Variants in FILIP1 observed in about 807,000 individuals in gnomAD.
FILIP1 encodes the protein filamin-A-interacting protein 1.
In FILIP1, 61 loss-of-function variants were observed where a neutral mutation model predicts 102.1. The ratio of observed to expected loss-of-function variants is 0.60; its 90% CI spans 0.49 to 0.74. The LOEUF (loss-of-function observed/expected upper bound fraction) is 0.74, where lower values mean the gene tolerates loss of function less well. Among genes scored for constraint, FILIP1 ranks in the 30% least tolerant of loss-of-function variants. The probability of loss-of-function intolerance (pLI) is 0.00; values close to 1 mark genes in which losing one functional copy is unlikely to be tolerated. For synonymous variants in FILIP1, 491 were observed against 526.9 expected (o/e 0.93, Z 0.93); for missense variants, 1,314 against 1,441.2 (o/e 0.91, Z 1.43).
At chr6:75,399,175 C>T (rs1032369894) in intron 2 of FILIP1, 2 of 152,126 alleles carry the variant, frequency 1.3e-5, no homozygotes, top group African/African-American at 4.8e-5. Flanking sequence ...TGTTAAACTC[C>T]CACTAAGAAG....
At chr6:75,449,554 G>A (rs1162885544) in intron 1 of FILIP1, among the ~76,000 whole-genome samples, 1 of 152,132 alleles carries the variant, frequency 6.6e-6, no homozygotes, top group African/African-American at 2.4e-5. Context: ...GTTGAGGCAG[G>A]AGGATCCCTT....
At chr6:75,374,837 A>G (rs943450368) in intron 2 of FILIP1, among the ~76,000 whole-genome samples, 3 of 152,274 alleles carry the variant, frequency 2.0e-5, no homozygotes, top group African/African-American at 4.8e-5. Context: ...CATCTCTGGT[A>G]CAACTCTGTT....
At chr6:75,437,513 CTG>C (rs1487087150) in intron 1 of FILIP1, among the ~76,000 whole-genome samples, 1 of 152,198 alleles carries the variant, frequency 6.6e-6, no homozygotes, top group African/African-American at 2.4e-5. Context: ...GAGCCTGAGT[CTG>C]TGATATTTCG....
intron 1 of FILIP1, among the ~76,000 whole-genome samples, chr6:75,451,788 T>G (rs556864939): frequency 3.5e-4 from 54 of 152,194 alleles, no homozygotes; most frequent in African/African-American, 1.3e-3. Flanking sequence ...GAGCCGAGAT[T>G]GAGCCATTGC....
chr6:75,364,643 G>C (rs1333056842), intron 2 of FILIP1, among the ~76,000 whole-genome samples: 2 of 152,108 alleles, frequency 1.3e-5, no homozygotes, highest in African/African-American at 4.8e-5. Context: ...CCAAGGCCCA[G>C]GCCACTCCTG....
At chr6:75,431,311 T>C (rs1482865027) in intron 1 of FILIP1, among the ~76,000 whole-genome samples, 3 of 152,232 alleles carry the variant, frequency 2.0e-5, no homozygotes, top group Non-Finnish European at 4.4e-5. Flanking sequence ...GTTTCTCATG[T>C]AGGCATGAGA....
chr6:75,393,773 C>A (rs1776361937), intron 2 of FILIP1, among the ~76,000 whole-genome samples: 2 of 152,204 alleles, frequency 1.3e-5, no homozygotes, highest in South Asian at 4.1e-4. Context: ...CTGCAAATTA[C>A]ATTTCCCAGG....
intron 1 of FILIP1, among the ~76,000 whole-genome samples, chr6:75,438,156 G>A (rs968272966): frequency 1.3e-5 from 2 of 152,102 alleles, no homozygotes; most frequent in Non-Finnish European, 1.5e-5. Context: ...GCCTGCTAGT[G>A]GTCTTTTGGG....
At chr6:75,482,767 T>C (rs1410080178) in intron 1 of FILIP1, among the ~76,000 whole-genome samples, 3 of 152,218 alleles carry the variant, frequency 2.0e-5, no homozygotes, top group Non-Finnish European at 4.4e-5. Flanking sequence ...TCACTAACTG[T>C]TACTGCCATG....
intron 2 of FILIP1, among the ~76,000 whole-genome samples, chr6:75,372,358 ACT>A (rs1203136582): frequency 7.0e-6 from 1 of 142,082 alleles, no homozygotes; most frequent in Non-Finnish European, 1.5e-5. Context: ...CAAGAGTGAA[ACT>A]CTGTCTCAAA....
intron 4 of FILIP1, among the ~76,000 whole-genome samples, chr6:75,351,920 G>A (rs563673877): frequency 1.3e-5 from 2 of 152,206 alleles, no homozygotes; most frequent in South Asian, 2.1e-4. Context: ...CCAGGATGTC[G>A]AATCAGTTAG....
chr6:75,353,735 G>T lies in FILIP1; in HGVS notation c.451-18C>A. On this transcript the variant is annotated intron_variant, in intron 3 of 5. Coordinates refer to ENST00000237172, the MANE Select transcript of FILIP1 (RefSeq NM_015687.5). Reference sequence around the variant, plus strand: ...CTGTCCAGCTGAATAAGCAAACATGGGAAAGGGCTTAATATTTTATTGCAT... The same window carrying T: ...CTGTCCAGCTGAATAAGCAAACATGTGAAAGGGCTTAATATTTTATTGCAT... The T allele has an allele frequency of 6.2e-7, 1 of 1,609,792 alleles. No homozygotes were observed. The highest frequency in any genetic ancestry group is 1.1e-5 in the South Asian group (1 of 90,842).
chr6:75,308,287 T>A lies in FILIP1; in HGVS notation c.*404A>T. On this transcript the variant is annotated 3_prime_UTR_variant, in exon 6 of 6. Transcript: ENST00000237172. Reference sequence around the variant, plus strand: ...AGTATGTCTTATTTTGTAATAGGATTTTTTTAATAAAAAATTATTGTGGAA... The same window carrying A: ...AGTATGTCTTATTTTGTAATAGGATATTTTTAATAAAAAATTATTGTGGAA... 1.0e-6 allele frequency: 1 copy of A among 993,274 alleles called. No homozygotes were observed. The highest frequency in any genetic ancestry group is 1.2e-6 in the Non-Finnish European group (1 of 833,526). 61.5% of individuals were successfully genotyped at this position (993,274 alleles called of 1,614,324 possible).
In FILIP1 at chr6:75,362,872, G is replaced by C; in HGVS notation, c.322C>G (p.Pro108Ala). 4 of 1,613,886 alleles carry C rather than the reference G, an allele frequency of 2.5e-6. No individual in the cohort carries two copies. The Admixed American group carries it at 6.7e-5, about 27-fold the overall frequency. ...CCGTAATGAGCCTCCAGAACCTCAG[G>C]CTTGGTTTTCTCTGTCTTCAGCATG... ...IHMLKTEKTK[P>A]EVLEAHYGSA... The change falls in exon 3 of 6, where the codon CCT becomes GCT. Residue 108 changes from proline (P) to alanine (A), a missense_variant. Transcript: ENST00000237172.
In FILIP1 at chr6:75,315,000, C is replaced by T. The variant is rs1204659859; in HGVS notation, c.832G>A (p.Glu278Lys). 1.2e-6 allele frequency: 2 copies of T among 1,613,954 alleles called. No homozygotes were observed. The highest frequency in any genetic ancestry group is 1.7e-6 in the Non-Finnish European group (2 of 1,179,974). ...GTAATGGCTTTGAGCTTCTCTTCTT[C>T]TTCCCTCAGCTTCTGAGTAAGATCC... ...VQDLTQKLREEEEKLKAITSK... is the reference protein window; with the variant it reads ...VQDLTQKLREKEEKLKAITSK... Residue 278 changes from glutamate (E) to lysine (K), a missense_variant, in exon 5 of 6, where the codon GAA (glutamate) becomes AAA (lysine). Physicochemically the swap from Glu to Lys is moderately conservative, Grantham distance 56. Around this residue, in one of 3 missense-constraint regions of FILIP1, gnomAD observed 494 missense variants for 511.2 expected, o/e 0.97. Coordinates refer to ENST00000237172, the MANE Select transcript of FILIP1 (RefSeq NM_015687.5).
intron 1 of FILIP1, among the ~76,000 whole-genome samples, chr6:75,476,165 T>C (rs1329042600): frequency 1.4e-5 from 2 of 147,468 alleles, no homozygotes; most frequent in African/African-American, 5.0e-5. Context: ...GACTTAAACC[T>C]GGGAGGTGAA....
chr6:75,389,331 T>C (rs937248887), intron 2 of FILIP1, among the ~76,000 whole-genome samples: 1 of 152,136 alleles, frequency 6.6e-6, no homozygotes, highest in Non-Finnish European at 1.5e-5. Context: ...GCCTGAAATG[T>C]TCTTTTTCTG....
chr6:75,349,324 G>T (rs931385347), intron 4 of FILIP1, among the ~76,000 whole-genome samples: 7 of 152,102 alleles, frequency 4.6e-5, no homozygotes, highest in Non-Finnish European at 7.3e-5. Flanking sequence ...TGCTTCTGGT[G>T]CCCGGAGAGT....
chr6:75,423,154 G>T (rs908700802), intron 1 of FILIP1, among the ~76,000 whole-genome samples: 9 of 152,130 alleles, frequency 5.9e-5, no homozygotes, highest in African/African-American at 1.9e-4. Context: ...AACTACACTA[G>T]AAGTTGCTGA....
Sources: gnomAD v4.1 joint callset for allele counts (sites outside exome capture counted in the v4.1 genomes callset) on GRCh38, gnomAD v4.1.1 for gene constraint, gnomAD v4.1.1 regional missense constraint, MANE v1.5 for transcripts, NCBI Gene and HGNC (gene_info 2026-07-23, HGNC 2026-07-21) for gene names.